Variants in SPCS2 observed in about 807,000 individuals in gnomAD.
The protein encoded by SPCS2 is SPase 25 kDa subunit.
SPCS2 carries 3 observed loss-of-function variants against 22.3 expected under a neutral mutation model. The ratio of observed to expected loss-of-function variants is 0.13; its 90% CI spans 0.06 to 0.35. SPCS2 has a LOEUF of 0.35. Among genes scored for constraint, SPCS2 ranks in the 10% least tolerant of loss-of-function variants. The probability of loss-of-function intolerance (pLI) is 1.00; values close to 1 mark genes in which losing one functional copy is unlikely to be tolerated. For synonymous variants in SPCS2, 67 were observed against 97.2 expected (o/e 0.69, Z 1.83); for missense variants, 169 against 280.9 (o/e 0.60, Z 2.85).
chr11:74,951,184 C>T (rs1434892146), intron 1 of SPCS2, among the ~76,000 whole-genome samples: 5 of 152,200 alleles, frequency 3.3e-5, no homozygotes, highest in Non-Finnish European at 7.3e-5. Context: ...ATTTCTGCTA[C>T]TTGCTAACAG....
At chr11:74,964,165 T>C (rs1948531098) in intron 1 of SPCS2, among the ~76,000 whole-genome samples, 1 of 152,238 alleles carries the variant, frequency 6.6e-6, no homozygotes, top group Non-Finnish European at 1.5e-5. Flanking sequence ...CAGACAATGC[T>C]GCAGTGAGTA....
intron 1 of SPCS2, 108 bp from the exon 2 acceptor site, chr11:74,964,924 CAA>C (rs1948534918): frequency 5.8e-6 from 4 of 684,564 alleles, no homozygotes; most frequent in Non-Finnish European, 7.2e-6. Context: ...CATCAGAAGA[CAA>C]AGAGTAAATA....
At chr11:74,954,984 G>A (rs1948468391) in intron 1 of SPCS2, among the ~76,000 whole-genome samples, 1 of 152,146 alleles carries the variant, frequency 6.6e-6, no homozygotes, top group Admixed American at 6.6e-5. Flanking sequence ...AACATCATCA[G>A]TCATTAGAGA....
At chr11:74,972,691 C>T (rs546106172) in intron 4 of SPCS2, among the ~76,000 whole-genome samples, 53 of 151,666 alleles carry the variant, frequency 3.5e-4, no homozygotes, top group Non-Finnish European at 6.6e-4. Context: ...TCCCCTATAA[C>T]CTAGCCATCT....
intron 1 of SPCS2, among the ~76,000 whole-genome samples, chr11:74,959,795 T>A (rs535333565): frequency 2.0e-5 from 3 of 152,310 alleles, no homozygotes; most frequent in South Asian, 4.1e-4. Flanking sequence ...ATGAGTTAAT[T>A]TGGAAAATGC....
chr11:74,963,933 C>A (rs1465038407), intron 1 of SPCS2, among the ~76,000 whole-genome samples: 3 of 152,150 alleles, frequency 2.0e-5, no homozygotes, highest in East Asian at 1.9e-4. Flanking sequence ...ATTTGTAGCA[C>A]CCTGTTCCTC....
intron 1 of SPCS2, among the ~76,000 whole-genome samples, chr11:74,957,952 C>G (rs532319337): frequency 1.3e-5 from 2 of 152,348 alleles, no homozygotes; most frequent in East Asian, 3.9e-4. Context: ...TGGAGCATTA[C>G]TGATTAATAT....
chr11:74,951,672 T>C (rs755671705), intron 1 of SPCS2, among the ~76,000 whole-genome samples: 5 of 151,660 alleles, frequency 3.3e-5, no homozygotes, highest in Non-Finnish European at 4.4e-5. Flanking sequence ...TAGCGAAGTG[T>C]GGTGGTGCAT....
chr11:74,951,810 C>CAAAA (rs61038317), intron 1 of SPCS2, among the ~76,000 whole-genome samples: 8 of 81,384 alleles, frequency 9.8e-5, no homozygotes, highest in Non-Finnish European at 1.4e-4. Context: ...AACTCTGTCT[C>CAAAA]AAAAAAAAAA....
chr11:74,953,437 A>G (rs758212716), intron 1 of SPCS2, among the ~76,000 whole-genome samples: 18 of 152,060 alleles, frequency 1.2e-4, no homozygotes, highest in Non-Finnish European at 1.5e-5. Flanking sequence ...AGGTGATCCA[A>G]CGGCCTCGGC....
At chr11:74,964,977 T>G in intron 1 of SPCS2, 57 bp from the exon 2 acceptor site, 1 of 1,222,772 alleles carries the variant, frequency 8.2e-7, no homozygotes, top group Middle Eastern at 2.4e-4. Context: ...ATGGTTCATT[T>G]TACTTTCAGT....
In SPCS2 at chr11:74,949,338, G is replaced by C. The variant is rs948582421; in HGVS notation, c.53G>C (p.Ser18Thr). Reference sequence around the variant, plus strand: ...AGAAGCGGTGGTAGCGGAGGCTGTAGTGGGGCTGGTGGTGCTTCCAACTGC... The same window carrying C: ...AGAAGCGGTGGTAGCGGAGGCTGTACTGGGGCTGGTGGTGCTTCCAACTGC... ...GGRSGGSGGCSGAGGASNCGT... is the reference protein window; with the variant it reads ...GGRSGGSGGCTGAGGASNCGT... The change falls in exon 1 of 5, where the codon AGT (serine) becomes ACT (threonine). Residue 18 changes from serine (S) to threonine (T), a missense_variant. Transcript: ENST00000263672. The C allele has an allele frequency of 1.3e-6, 2 of 1,551,356 alleles. No individual in the cohort carries two copies. The highest frequency in any genetic ancestry group is 8.7e-7 in the Non-Finnish European group (1 of 1,146,898).
chr11:74,965,980 A>G (rs1163715934), intron 3 of SPCS2, 57 bp downstream of exon 3: 3 of 1,506,642 alleles, frequency 2.0e-6, no homozygotes, highest in African/African-American at 1.4e-5. Context: ...AAATCTGCTG[A>G]TATTTCTCCC....
intron 1 of SPCS2, among the ~76,000 whole-genome samples, chr11:74,950,957 C>T (rs1020169988): frequency 2.0e-5 from 3 of 152,162 alleles, no homozygotes; most frequent in African/African-American, 7.2e-5. Context: ...TACACAAATC[C>T]TTCCCTCTTG....
At chr11:74,952,610 C>T (rs939773033) in intron 1 of SPCS2, among the ~76,000 whole-genome samples, 11 of 152,176 alleles carry the variant, frequency 7.2e-5, no homozygotes, top group African/African-American at 2.4e-4. Context: ...AGCCACCGCA[C>T]CCAGCTCTGT....
chr11:74,958,954 A>G (rs1395682144), intron 1 of SPCS2, among the ~76,000 whole-genome samples: 2 of 152,056 alleles, frequency 1.3e-5, no homozygotes, highest in Non-Finnish European at 2.9e-5. Context: ...TGTTATTCCC[A>G]TGCTTAAAAT....
chr11:74,950,412 A>T (rs947602648), intron 1 of SPCS2, among the ~76,000 whole-genome samples: 1 of 152,224 alleles, frequency 6.6e-6, no homozygotes, highest in Admixed American at 6.5e-5. Context: ...TTTGAATATA[A>T]TTGAAAACAG....
At chr11:74,955,851 A>AATATATATATATATATATAT (rs60855711) in intron 1 of SPCS2, among the ~76,000 whole-genome samples, 642 of 55,514 alleles carry the variant, frequency 0.012, 62 homozygotes, top group Non-Finnish European at 0.013. Context: ...TACTAATTAA[A>AATATATATATATATATATAT]ATATATATAT....
At chr11:74,955,926 C>T (rs1431858250) in intron 1 of SPCS2, among the ~76,000 whole-genome samples, 1 of 127,568 alleles carries the variant, frequency 7.8e-6, no homozygotes, top group Non-Finnish European at 1.6e-5. Context: ...TTGCTAGCAC[C>T]ATTTCTCTGC....
Sources: allele counts gnomAD v4.1 joint callset (sites outside exome capture counted in the v4.1 genomes callset), GRCh38; gene constraint gnomAD v4.1.1; transcripts MANE v1.5; gene names NCBI Gene and HGNC (gene_info 2026-07-23, HGNC 2026-07-21).